Variants in CHM observed in about 807,000 individuals in gnomAD.
CHM encodes the protein CHM Rab escort protein, also known as rab proteins geranylgeranyltransferase component A 1.
In CHM, 10 loss-of-function variants were observed where a neutral mutation model predicts 49.0. The observed-to-expected ratio is 0.20, with a 90% CI of 0.13 to 0.35. The LOEUF (loss-of-function observed/expected upper bound fraction) is 0.35. CHM is among the 10% of genes least tolerant of loss of function. CHM has a pLI of 1.00. For synonymous variants in CHM, 184 were observed against 167.5 expected (o/e 1.10, Z -0.76); for missense variants, 455 against 478.4 (o/e 0.95, Z 0.46).
chrX:85,952,332 G>C (rs184761855), intron 8 of CHM, among the ~76,000 whole-genome samples: 1 of 110,521 alleles, frequency 9.0e-6, no homozygotes, highest in East Asian at 2.9e-4. Flanking sequence ...GAAGAGGAGA[G>C]CAAAGAGTAA....
chrX:85,902,080 G>A (rs1926323478), intron 9 of CHM, among the ~76,000 whole-genome samples: 1 of 111,847 alleles, frequency 8.9e-6, no homozygotes, highest in African/African-American at 3.2e-5. Flanking sequence ...ATATGCAAAT[G>A]ACTGTGTGTT....
At chrX:85,928,497 C>T (rs984764649) in intron 8 of CHM, among the ~76,000 whole-genome samples, 5 of 111,216 alleles carry the variant, frequency 4.5e-5, no homozygotes, top group Admixed American at 1.9e-4. Flanking sequence ...GAGCCGAGAT[C>T]GCGCCACTGC....
chrX:85,973,300 CAAAAAAAAAAAAAAA>C (rs58103002), intron 4 of CHM, among the ~76,000 whole-genome samples: 10 of 16,331 alleles, frequency 6.1e-4, no homozygotes, highest in African/African-American at 2.0e-3. Context: ...TCTGTCTCGA[CAAAAAAAAAAAAAAA>C]AAAAAAAAAA....
At chrX:86,035,604 A>G (rs1934202333) in intron 1 of CHM, among the ~76,000 whole-genome samples, 1 of 110,844 alleles carries the variant, frequency 9.0e-6, no homozygotes, top group Non-Finnish European at 1.9e-5. Flanking sequence ...CACGTGATGT[A>G]AGTGTTAAGC....
intron 2 of CHM, among the ~76,000 whole-genome samples, chrX:85,984,205 AAAAAAAT>A (rs888687263): frequency 8.1e-5 from 9 of 111,125 alleles, no homozygotes; most frequent in South Asian, 3.8e-4. Flanking sequence ...TCTGTCTCAA[AAAAAAAT>A]AAAAAATAAA....
chrX:86,045,708 T>G, intron 1 of CHM, among the ~76,000 whole-genome samples: 1 of 111,217 alleles, frequency 9.0e-6, no homozygotes, highest in Non-Finnish European at 1.9e-5. Flanking sequence ...GGCAAAATAT[T>G]TATGAAAAAC....
At chrX:85,904,401 A>T (rs1926469564) in intron 9 of CHM, among the ~76,000 whole-genome samples, 2 of 111,743 alleles carry the variant, frequency 1.8e-5, no homozygotes, top group African/African-American at 6.5e-5. Flanking sequence ...CAACGATATA[A>T]GTGTGTAGAT....
At chrX:85,958,834 A>G in intron 6 of CHM, 27 bp downstream of exon 6, 1 of 1,209,014 alleles carries the variant, frequency 8.3e-7, no homozygotes, top group Non-Finnish European at 1.1e-6. Context: ...GCTGATGCCC[A>G]GTTACAATTC....
intron 14 of CHM, among the ~76,000 whole-genome samples, chrX:85,869,809 G>T (rs1042957580): frequency 8.9e-6 from 1 of 112,097 alleles, no homozygotes; most frequent in African/African-American, 3.2e-5. Context: ...CCAGAAGTTA[G>T]ATCAAAGGGT....
intron 1 of CHM, among the ~76,000 whole-genome samples, chrX:86,041,309 T>C (rs147499534): frequency 9.0e-4 from 100 of 111,479 alleles, no homozygotes; most frequent in African/African-American, 3.2e-3. Context: ...CAGAGTTAGA[T>C]AACTCTTTAC....
chrX:85,969,762 T>C (rs765377663), intron 4 of CHM: 2 of 111,711 alleles, frequency 1.8e-5, no homozygotes, highest in African/African-American at 3.2e-5. Context: ...ATATACACAA[T>C]AGAATACTGC....
intron 4 of CHM, among the ~76,000 whole-genome samples, chrX:85,976,479 G>A (rs752012968): frequency 4.5e-5 from 5 of 110,597 alleles, no homozygotes; most frequent in South Asian, 7.9e-4. Context: ...AAAATTAGCC[G>A]GGTGTGGTGG....
At chrX:85,944,185 A>T (rs2147643308) in intron 8 of CHM, among the ~76,000 whole-genome samples, 1 of 111,867 alleles carries the variant, frequency 8.9e-6, no homozygotes, top group East Asian at 2.8e-4. Context: ...CAGGATAGGA[A>T]ATGTTTCTTA....
At chrX:85,986,075 T>G (rs1017379145) in intron 2 of CHM, among the ~76,000 whole-genome samples, 1 of 110,858 alleles carries the variant, frequency 9.0e-6, no homozygotes, top group African/African-American at 3.3e-5. Context: ...AACCTCCAAC[T>G]AACTGTAGTC....
chrX:85,947,559 G>A (rs764687324), intron 8 of CHM, among the ~76,000 whole-genome samples: 15 of 111,375 alleles, frequency 1.3e-4, no homozygotes, highest in Non-Finnish European at 2.4e-4. Context: ...TGTAAATCCT[G>A]CAGAACCATG....
Position 85,990,676 on chromosome X carries a change from G to T in CHM, c.117-8867C>A, listed in dbSNP as rs758010024. On this transcript the variant is annotated intron_variant, in intron 2 of 14. Transcript: ENST00000357749. ...CAAGATCTTTCTCATCCTTCATATGGTGTTTAATGTTAAAGCAATATCAGT... is the reference window on the plus strand; with the variant it reads ...CAAGATCTTTCTCATCCTTCATATGTTGTTTAATGTTAAAGCAATATCAGT... Among the ~76,000 whole-genome samples, 107 of 111,394 alleles carry T rather than the reference G, an allele frequency of 9.6e-4. 1 individual carries two copies. Among genetic ancestry groups the T allele is most frequent in the Non-Finnish European group, 1.7e-3 (90 of 52,979 alleles).
At chrX:86,046,030 C>G (rs927197695) in intron 1 of CHM, among the ~76,000 whole-genome samples, 7 of 112,312 alleles carry the variant, frequency 6.2e-5, no homozygotes, top group African/African-American at 2.3e-4. Context: ...ATAAACCTGT[C>G]CATGCTGTTC....
chrX:86,033,852 T>C (rs181309945), intron 1 of CHM, among the ~76,000 whole-genome samples: 112 of 112,192 alleles, frequency 1.0e-3, no homozygotes, highest in Admixed American at 1.9e-3. Context: ...TATTAGTAAA[T>C]GTAATTTAAA....
intron 8 of CHM, among the ~76,000 whole-genome samples, chrX:85,922,721 G>C: frequency 8.9e-6 from 1 of 111,848 alleles, no homozygotes; most frequent in Non-Finnish European, 1.9e-5. Context: ...AACCAAGTTG[G>C]GGATGATCTT....
Sources: allele counts gnomAD v4.1 joint callset (sites outside exome capture counted in the v4.1 genomes callset), GRCh38; gene constraint gnomAD v4.1.1; transcripts MANE v1.5; gene names NCBI Gene and HGNC (gene_info 2026-07-23, HGNC 2026-07-21).